ATAD3B: variants seen among roughly 807,000 people sequenced by gnomAD.
The protein encoded by ATAD3B is ATPase family AAA domain-containing protein 3B.
A neutral mutation model predicts 70.2 loss-of-function variants in ATAD3B; 59 were observed. That is an observed-to-expected ratio of 0.84 (90% confidence interval 0.68 to 1.04). ATAD3B has a LOEUF of 1.04. ATAD3B is among the 50% of genes least tolerant of loss of function. The pLI, the probability that ATAD3B is intolerant of heterozygous loss-of-function variation, is 0.00. For missense variants in ATAD3B, 961 were observed against 913.4 expected (o/e 1.05, Z -0.67); for synonymous variants, 423 against 388.6 (o/e 1.09, Z -1.04).
chr1:1,500,378 C>T (rs1640917072), downstream of ATAD3B, among the ~76,000 whole-genome samples: 1 of 148,160 alleles, frequency 6.7e-6, no homozygotes, highest in African/African-American at 2.5e-5. Context: ...CGGTGAAACC[C>T]CGTCTCTACT....
chr1:1,487,204 C>G (rs1412334118), intron 11 of ATAD3B, among the ~76,000 whole-genome samples: 1 of 151,920 alleles, frequency 6.6e-6, no homozygotes, highest in Admixed American at 6.6e-5. Context: ...GAAGACCTGT[C>G]CCTGCGCCAG....
At chr1:1,506,323 T>G in the ATAD3B span, among the ~76,000 whole-genome samples, 1 of 152,196 alleles carries the variant, frequency 6.6e-6, no homozygotes, top group Non-Finnish European at 1.5e-5. Flanking sequence ...TTTCTATTTT[T>G]GTAAAAAATA....
intron 7 of ATAD3B, chr1:1,484,257 T>C (rs1640082678): frequency 6.6e-6 from 1 of 151,804 alleles, no homozygotes; most frequent in East Asian, 1.9e-4. Flanking sequence ...CTCGACTCAC[T>C]GTCAGCTTCG....
chr1:1,478,520 C>A (rs1414346667), intron 2 of ATAD3B, 124 bp from the exon 3 acceptor site: 2 of 1,549,910 alleles, frequency 1.3e-6, no homozygotes, highest in Admixed American at 3.9e-5. Context: ...AAGCCCTGAA[C>A]CTGCTGCACA....
chr1:1,484,901 C>T lies in ATAD3B; in HGVS notation c.751-115C>T, dbSNP rs1035234089. 16 of 1,447,924 alleles carry T rather than the reference C, an allele frequency of 1.1e-5. 1 individual carries two copies. Among genetic ancestry groups the T allele is most frequent in the African/African-American group, 2.8e-5 (2 of 70,804 alleles). The allele number at this position is 1,447,924 out of a possible 1,614,324, so 89.7% of individuals were successfully genotyped here. ...TTCGGGTTCCTGTGGGGCCAGCACA[C>T]GGCCCTGTGCTTCTCCCTCAGGCGG... On this transcript the variant is annotated intron_variant, in intron 7 of 15. Coordinates refer to ENST00000673477, the MANE Select transcript of ATAD3B (RefSeq NM_031921.6).
the ATAD3B span, among the ~76,000 whole-genome samples, chr1:1,509,037 G>C: frequency 6.6e-6 from 1 of 151,810 alleles, no homozygotes; most frequent in Non-Finnish European, 1.5e-5. Context: ...GGCTGCCCCC[G>C]GTGTCCACAC....
At chr1:1,502,534 CAG>C (rs1376946105), downstream of ATAD3B, among the ~76,000 whole-genome samples, 19 of 79,650 alleles carry the variant, frequency 2.4e-4, no homozygotes, top group African/African-American at 1.0e-3. Context: ...TTTTTTGAGA[CAG>C]AGTCATGCTC....
At chr1:1,474,274 T>G (rs191555805) in intron 1 of ATAD3B, among the ~76,000 whole-genome samples, 1,696 of 150,588 alleles carry the variant, frequency 0.011, 51 homozygotes, top group African/African-American at 0.04. Flanking sequence ...CACTGCAAGC[T>G]CCGCCTCCTG....
the ATAD3B span, chr1:1,503,611 G>A: frequency 6.2e-7 from 1 of 1,612,338 alleles, no homozygotes; most frequent in Non-Finnish European, 8.5e-7. Context: ...CCTGAATGTG[G>A]CACAGATGCA....
At chr1:1,477,432 G>A in intron 2 of ATAD3B, 82 bp downstream of exon 2, 1 of 1,598,340 alleles carries the variant, frequency 6.3e-7, no homozygotes, top group African/African-American at 1.3e-5. Flanking sequence ...CTACTGGTGG[G>A]TAGGGCCAGG....
intron 4 of ATAD3B, among the ~76,000 whole-genome samples, chr1:1,480,404 C>T (rs550088106): frequency 1.4e-5 from 2 of 146,492 alleles, no homozygotes; most frequent in Admixed American, 7.0e-5. Flanking sequence ...TCAGTGGCGG[C>T]GGGCGGGTCT....
At chr1:1,478,360 C>G in intron 2 of ATAD3B, 2 of 1,410,696 alleles carry the variant, frequency 1.4e-6, no homozygotes, top group Non-Finnish European at 1.9e-6. Context: ...AAGTGAGCAC[C>G]TGCCTGGAGC....
chr1:1,483,545 G>C (rs1259640173), intron 7 of ATAD3B: 1 of 175,926 alleles, frequency 5.7e-6, no homozygotes, highest in Non-Finnish European at 1.2e-5. Flanking sequence ...GCCAAGACGG[G>C]TGGATCACTT....
intron 7 of ATAD3B, chr1:1,483,154 T>C: frequency 2.5e-6 from 1 of 399,866 alleles, no homozygotes; most frequent in Non-Finnish European, 5.0e-6. Context: ...AAGAAAAGAA[T>C]TAGCTGGGTG....
At chr1:1,489,846 G>A in intron 13 of ATAD3B, 1 of 1,229,240 alleles carries the variant, frequency 8.1e-7, no homozygotes, top group Non-Finnish European at 1.0e-6. Context: ...GGGCCCTGCT[G>A]AGCCTCTGCT....
chr1:1,486,457 AG>A (rs1640222243), intron 10 of ATAD3B, 86 bp from the exon 11 acceptor site: 1 of 1,609,728 alleles, frequency 6.2e-7, no homozygotes, highest in African/African-American at 1.4e-5. Context: ...GACACCCGGC[AG>A]GGGCTCCACA....
chr1:1,508,913 G>C, the ATAD3B span, among the ~76,000 whole-genome samples: 2 of 151,712 alleles, frequency 1.3e-5, no homozygotes, highest in Non-Finnish European at 2.9e-5. Context: ...CCTGCCTCTC[G>C]GAAGCTGCCC....
rs1266058274 is a variant in ATAD3B at position 1,480,193 on chromosome 1, C to G, written c.445-674C>G. ...TGCACACGAGGGCACACCCCCACCCCCCACCCCCACACACCCCCGCACCCA... is the reference window on the plus strand; with the variant it reads ...TGCACACGAGGGCACACCCCCACCCGCCACCCCCACACACCCCCGCACCCA... On this transcript the variant is annotated intron_variant, in intron 4 of 15. Coordinates refer to ENST00000673477, the MANE Select transcript of ATAD3B (RefSeq NM_031921.6). Among the ~76,000 whole-genome samples, 7 of 122,598 alleles carry G rather than the reference C, an allele frequency of 5.7e-5. 1 individual carries two copies. Among genetic ancestry groups the G allele is most frequent in the Non-Finnish European group, 1.0e-4 (6 of 58,602 alleles). The allele number at this position is 122,598 out of a possible 152,430, so 80.4% of individuals were successfully genotyped here. A position where few individuals can be genotyped will look rare whatever the true frequency, so the allele number is the denominator to read the frequency against.
downstream of ATAD3B, among the ~76,000 whole-genome samples, chr1:1,500,334 C>T (rs574125595): frequency 7.3e-5 from 11 of 150,248 alleles, no homozygotes; most frequent in Admixed American, 3.3e-4. Flanking sequence ...GGGCAGATCA[C>T]GAGGTCAGGA....
Sources: allele counts gnomAD v4.1 joint callset (sites outside exome capture counted in the v4.1 genomes callset), GRCh38; gene constraint gnomAD v4.1.1; transcripts MANE v1.5; gene names NCBI Gene and HGNC (gene_info 2026-07-23, HGNC 2026-07-21).